The following ADGRB3 variants were observed in gnomAD, a reference collection of about 807,000 sequenced individuals.
The protein encoded by ADGRB3 is brain-specific angiogenesis inhibitor 3.
ADGRB3 carries 37 observed loss-of-function variants against 193.4 expected under a neutral mutation model. That is an observed-to-expected ratio of 0.19 (90% CI 0.15 to 0.25). ADGRB3 has a LOEUF of 0.25. Ranked by LOEUF, ADGRB3 falls within the 10% of genes least tolerant of loss-of-function variation. The probability of loss-of-function intolerance (pLI) is 1.00; values close to 1 mark genes in which losing one functional copy is unlikely to be tolerated. For missense variants in ADGRB3, 1,637 were observed against 1,852.9 expected, an observed-to-expected ratio of 0.88 and a Z score of 2.14; for synonymous variants, 690 against 644.2, an observed-to-expected ratio of 1.07 and a Z score of -1.08.
At chr6:68,697,839 G>A (rs184057394) in intron 3 of ADGRB3, among the ~76,000 whole-genome samples, 1 of 151,834 alleles carries the variant, frequency 6.6e-6, no homozygotes, top group African/African-American at 2.4e-5. Context: ...AGGAACTTGA[G>A]GTTGAATTCT....
At chr6:69,015,921 T>C (rs1308423278) in intron 12 of ADGRB3, among the ~76,000 whole-genome samples, 2 of 151,890 alleles carry the variant, frequency 1.3e-5, no homozygotes, top group Non-Finnish European at 1.5e-5. Context: ...TCCGGTTTAG[T>C]CAAGACAAGT....
At chr6:69,351,401 G>A (rs964187705) in intron 26 of ADGRB3, among the ~76,000 whole-genome samples, 13 of 151,768 alleles carry the variant, frequency 8.6e-5, no homozygotes, top group African/African-American at 2.4e-4. Flanking sequence ...CCCCAGATAC[G>A]TTTTTAAGAT....
At chr6:69,242,302 G>C (rs1339894408) in intron 20 of ADGRB3, among the ~76,000 whole-genome samples, 1 of 151,826 alleles carries the variant, frequency 6.6e-6, no homozygotes, top group African/African-American at 2.4e-5. Context: ...GGATCCCTTT[G>C]CTTCTGTGGG....
At chr6:68,769,437 A>G (rs549907990) in intron 3 of ADGRB3, among the ~76,000 whole-genome samples, 1 of 152,266 alleles carries the variant, frequency 6.6e-6, no homozygotes, top group African/African-American at 2.4e-5. Flanking sequence ...CTAACACAGG[A>G]ACAGAAAACC....
chr6:68,843,673 C>A (rs898913856), intron 3 of ADGRB3, among the ~76,000 whole-genome samples: 1 of 151,526 alleles, frequency 6.6e-6, no homozygotes, highest in Non-Finnish European at 1.5e-5. Context: ...AAAAAAAAAT[C>A]CTAAAATGTG....
chr6:69,320,463 C>T (rs1050403664), intron 20 of ADGRB3, among the ~76,000 whole-genome samples: 2 of 151,530 alleles, frequency 1.3e-5, no homozygotes, highest in Non-Finnish European at 3.0e-5. Context: ...CTTATTCCCT[C>T]CTCTTGGACT....
At chr6:69,260,090 T>C (rs1167024236) in intron 20 of ADGRB3, among the ~76,000 whole-genome samples, 1 of 152,216 alleles carries the variant, frequency 6.6e-6, no homozygotes, top group African/African-American at 2.4e-5. Flanking sequence ...TGTGCTCAGT[T>C]ATAGATTTTT....
chr6:68,895,414 T>C (rs1352623392), intron 3 of ADGRB3, among the ~76,000 whole-genome samples: 1 of 151,992 alleles, frequency 6.6e-6, no homozygotes, highest in Non-Finnish European at 1.5e-5. Context: ...TTTCTAGGAC[T>C]GGGGTTCTAG....
At chr6:69,320,755 T>C (rs1198939785) in intron 20 of ADGRB3, among the ~76,000 whole-genome samples, 1 of 151,496 alleles carries the variant, frequency 6.6e-6, no homozygotes, top group Non-Finnish European at 1.5e-5. Context: ...TCTGATAGCT[T>C]TTAAGATTTT....
At chr6:69,360,287 T>A (rs1769424210) in intron 28 of ADGRB3, among the ~76,000 whole-genome samples, 1 of 151,922 alleles carries the variant, frequency 6.6e-6, no homozygotes, top group Admixed American at 6.6e-5. Context: ...TAAATACTTT[T>A]GAATATTGTA....
At chr6:69,324,813 C>A in intron 20 of ADGRB3, 59 bp from the exon 21 acceptor site, 1 of 1,557,886 alleles carries the variant, frequency 6.4e-7, no homozygotes, top group Non-Finnish European at 8.8e-7. Flanking sequence ...CCCTGAAGAA[C>A]ATATCATTTT....
intron 18 of ADGRB3, among the ~76,000 whole-genome samples, chr6:69,233,951 A>G (rs971669202): frequency 6.6e-6 from 1 of 152,204 alleles, no homozygotes; most frequent in Non-Finnish European, 1.5e-5. Context: ...TTATTCCTTA[A>G]TAGTATATAG....
At position 69,339,357 on chromosome 6, in the gene ADGRB3, G is replaced by A. The variant is rs1192193220; in HGVS notation, c.3312G>A (p.Val1104=). ...GGGCGTCTCTTTGGAGCTCCTGTGT[G>A]GTGTTGCCCCTTCTGGCTTTGACGT... ...NAMASLWSSC[V]VLPLLALTWM... is the part of the protein sequence containing the mutation. The change falls in exon 26 of 32, where the codon GTG becomes GTA. Residue 1104 remains valine (V), a synonymous_variant. Coordinates refer to ENST00000370598, the MANE Select transcript of ADGRB3 (RefSeq NM_001704.3). 1 of 1,613,842 alleles carries A rather than the reference G, an allele frequency of 6.2e-7. No individual in the cohort carries two copies. The highest frequency in any genetic ancestry group is 1.3e-5 in the African/African-American group (1 of 74,896).
rs1004492026 is a variant in ADGRB3, at chr6:68,727,988, C to T, written c.757+88556C>T. On this transcript the variant is annotated intron_variant, in intron 3 of 31. Coordinates refer to ENST00000370598, the MANE Select transcript of ADGRB3 (RefSeq NM_001704.3). Reference sequence around the variant, plus strand: ...TAATCAAGCATTTATTTCTCAGGAGCTTAATATAAATTTCTTCTGTTTTAT... The same window carrying T: ...TAATCAAGCATTTATTTCTCAGGAGTTTAATATAAATTTCTTCTGTTTTAT... Among the ~76,000 whole-genome samples the T allele has an allele frequency of 3.3e-5, 5 of 151,538 alleles. No homozygotes were observed. The East Asian group carries it at 9.8e-4, about 30-fold the overall frequency.
rs187170429 is a variant in ADGRB3 at position 69,038,493 on chromosome 6, A to C, written c.2108-9692A>C. ...AGAGGGGGAATTTATTTCCTAAGGC[A>C]TTTCCCATATTGATTTGTTTTTAAT... is the stretch of plus-strand genomic sequence containing the variant. On this transcript the variant is annotated intron_variant, in intron 13 of 31. Transcript: ENST00000370598. Among the ~76,000 whole-genome samples the C allele has an allele frequency of 1.8e-3, 280 of 152,282 alleles. 1 individual carries two copies. Among genetic ancestry groups the C allele is most frequent in the African/African-American group, 6.6e-3 (273 of 41,574 alleles).
intron 11 of ADGRB3, among the ~76,000 whole-genome samples, chr6:69,005,022 G>C (rs550766529): frequency 2.1e-4 from 32 of 152,020 alleles, no homozygotes; most frequent in Non-Finnish European, 4.0e-4. Context: ...CAAACTTGAG[G>C]GATCACTCAT....
At chr6:69,128,494 A>G (rs1244842810) in intron 17 of ADGRB3, among the ~76,000 whole-genome samples, 1 of 152,142 alleles carries the variant, frequency 6.6e-6, no homozygotes, top group African/African-American at 2.4e-5. Flanking sequence ...TAGTAACTGT[A>G]ATCATAGCCT....
intron 17 of ADGRB3, among the ~76,000 whole-genome samples, chr6:69,192,811 A>G (rs1765221348): frequency 6.6e-6 from 1 of 152,144 alleles, no homozygotes; most frequent in Non-Finnish European, 1.5e-5. Context: ...AAGTAAGTGG[A>G]AGGAATACAA....
intron 3 of ADGRB3, among the ~76,000 whole-genome samples, chr6:68,716,549 A>C (rs910905367): frequency 6.6e-6 from 1 of 151,188 alleles, no homozygotes; most frequent in Non-Finnish European, 1.5e-5. Context: ...TAGGGGAGCA[A>C]CTCAGAGCAA....
Sources: allele counts gnomAD v4.1 joint callset (sites outside exome capture counted in the v4.1 genomes callset), GRCh38; gene constraint gnomAD v4.1.1; transcripts MANE v1.5; gene names NCBI Gene and HGNC (gene_info 2026-07-23, HGNC 2026-07-21).